EIF2D: variants seen among roughly 807,000 people sequenced by gnomAD.
The protein encoded by EIF2D is eukaryotic translation initiation factor 2D.
Under a neutral mutation model 77.4 loss-of-function variants are expected in EIF2D, and 56 were observed. That is an observed-to-expected ratio of 0.72 (90% confidence interval 0.58 to 0.90). EIF2D has a LOEUF of 0.90. Among genes scored for constraint, EIF2D ranks in the 40% least tolerant of loss-of-function variants. The pLI, the probability that EIF2D is intolerant of heterozygous loss-of-function variation, is 0.00. For synonymous variants in EIF2D, 230 were observed against 271.0 expected, an observed-to-expected ratio of 0.85 and a Z score of 1.49; for missense variants, 574 against 706.5, an observed-to-expected ratio of 0.81 and a Z score of 2.13.
intron 5 of EIF2D, 123 bp downstream of exon 5, chr1:206,605,277 T>C (rs1428740753): frequency 7.0e-6 from 4 of 570,182 alleles, no homozygotes; most frequent in Non-Finnish European, 1.2e-5. Context: ...GAAATAAAAG[T>C]CTGGGCTTAG....
chr1:206,595,610 T>C (rs1199250458), intron 13 of EIF2D, 108 bp downstream of exon 13: 5 of 1,380,340 alleles, frequency 3.6e-6, no homozygotes, highest in Non-Finnish European at 4.9e-6. Context: ...AAAAAAATCT[T>C]TGATGAGTTT....
At chr1:206,575,117 G>C (rs1293993584) in intron 4 of EIF2D, among the ~76,000 whole-genome samples, 1 of 151,936 alleles carries the variant, frequency 6.6e-6, no homozygotes, top group East Asian at 1.9e-4. Context: ...AATGCGGTTT[G>C]GACATTGAGC....
chr1:206,605,801 G>A (rs1670178312), intron 4 of EIF2D, among the ~76,000 whole-genome samples: 1 of 152,068 alleles, frequency 6.6e-6, no homozygotes, highest in South Asian at 2.1e-4. Flanking sequence ...ATCTCCAGGT[G>A]GGTCTTGGAA....
chr1:206,597,251 A>G, intron 11 of EIF2D, 56 bp from the exon 12 acceptor site: 1 of 1,317,538 alleles, frequency 7.6e-7, no homozygotes, highest in Non-Finnish European at 1.1e-6. Context: ...TCTGACCTGA[A>G]GGCTAATTCA....
chr1:206,581,631 A>G lies in EIF2D; in HGVS notation c.139-469T>C, dbSNP rs4989734. 4.2e-5 allele frequency among the ~76,000 whole-genome samples: 6 copies of G among 143,592 alleles called. No homozygotes were observed. In the South Asian group the frequency reaches 6.7e-4, roughly 16 times the overall value. 94.2% of individuals were successfully genotyped at this position (143,592 alleles called of 152,430 possible). ...AAGAAAGAGAGAGAGACAGAGAGAG[A>G]GGGGGGAGAGAGAGAGAGAGAAAGA... On this transcript the variant is annotated intron_variant and NMD_transcript_variant, in intron 2 of 5. Coordinates refer to the EIF2D transcript ENST00000472709.
At chr1:206,569,628 TTA>T (rs1572348970), downstream of EIF2D, among the ~76,000 whole-genome samples, 1 of 152,222 alleles carries the variant, frequency 6.6e-6, no homozygotes, top group East Asian at 1.9e-4. Flanking sequence ...GTAATATATT[TTA>T]TCTTTTTCAT....
At position 206,593,628 on chromosome 1, in the gene EIF2D, G is replaced by A. The variant is rs782655922; in HGVS notation, c.1675C>T (p.Leu559=). The A allele has an allele frequency of 6.2e-7, 1 of 1,607,558 alleles. No individual in the cohort carries two copies. The highest frequency in any genetic ancestry group is 1.1e-5 in the South Asian group (1 of 90,732). ...QGNQVHHLGW[L]LLEEYQLPRK... The stretch of plus-strand genomic sequence containing the variant: ...CAGAGGGGATGCTCACCAAGCAATA[G>A]CCAGCCGAGGTGGTGGACCTGGTTT... The change falls in exon 14 of 15, where the codon CTA becomes TTA. Residue 559 remains leucine (L), a synonymous_variant. Transcript: ENST00000271764.
rs1553405836 is a variant in EIF2D at position 206,579,554 on chromosome 1, G to A, written c.*254+1138C>T. Among the ~76,000 whole-genome samples, 1 of 152,206 alleles carries A rather than the reference G, an allele frequency of 6.6e-6. No individual in the cohort carries two copies. The highest frequency in any genetic ancestry group is 1.5e-5 in the Non-Finnish European group (1 of 68,038). ...GTTTGTGTGTTTCTTGGCACCAAGTGTTAATTCAGCAGCTGGATGAAGACC... is the reference window on the plus strand; with the variant it reads ...GTTTGTGTGTTTCTTGGCACCAAGTATTAATTCAGCAGCTGGATGAAGACC... On this transcript the variant is annotated intron_variant and NMD_transcript_variant, in intron 4 of 5. Transcript: ENST00000472709. This position sits in a 1 kb window ranked among gnomAD's most constrained non-coding sequence, Gnocchi z 4.2.
At position 206,599,709 on chromosome 1, in the gene EIF2D, C is replaced by T; in HGVS notation, c.1052+24G>A. 6.2e-7 allele frequency: 1 copy of T among 1,613,908 alleles called. No homozygotes were observed. Among genetic ancestry groups the T allele is most frequent in the African/African-American group, 1.3e-5 (1 of 75,040 alleles). On this transcript the variant is annotated intron_variant, in intron 9 of 14. Coordinates refer to ENST00000271764, the MANE Select transcript of EIF2D (RefSeq NM_006893.3). The surrounding 1 kb of genome is among the most constrained non-coding windows in gnomAD (Gnocchi z 4.1). ...AGGTGCCCTGGGGCCAGCTGGGCTA[C>T]AGTGACAGGCCCCCTGCACTCACCT...
rs1376940567 is a variant in EIF2D at position 206,593,500 on chromosome 1, AGAGAGAGAGTGTGT to A, written c.1684+105_1684+118del. ...GAGAGAGAGAGAGCGAGAGAGAGAG[AGAGAGAGAGTGTGT>A]GTGTGTGTGTGTGTGTGTGTGTGTG... On this transcript the variant is annotated intron_variant, in intron 14 of 14. Coordinates refer to ENST00000271764, the MANE Select transcript of EIF2D (RefSeq NM_006893.3). 45 of 433,278 alleles carry A rather than the reference AGAGAGAGAGTGTGT, an allele frequency of 1.0e-4. No homozygotes were observed. The Admixed American group carries it at 2.5e-3, about 24-fold the overall frequency. The allele number at this position is 433,278 out of a possible 1,614,324, so 26.8% of individuals were successfully genotyped here.
intron 7 of EIF2D, 59 bp from the exon 8 acceptor site, chr1:206,600,367 G>A (rs1259850119): frequency 2.6e-6 from 4 of 1,515,608 alleles, no homozygotes; most frequent in Admixed American, 1.7e-5. Context: ...GGACCTGCCT[G>A]ACACTGAGAG....
At chr1:206,591,353 ATC>A (rs1171120704), downstream of EIF2D, among the ~76,000 whole-genome samples, 1 of 152,180 alleles carries the variant, frequency 6.6e-6, no homozygotes, top group Non-Finnish European at 1.5e-5. Context: ...AACAGCTGGG[ATC>A]TGTTTTCTAC....
chr1:206,597,396 A>G (rs1489865858), intron 11 of EIF2D, among the ~76,000 whole-genome samples: 1 of 152,230 alleles, frequency 6.6e-6, no homozygotes. Flanking sequence ...GGTGGAAGGG[A>G]AAGTGAGATG....
chr1:206,591,922 C>T (rs12079722), intron 14 of EIF2D, 77 bp from the exon 15 acceptor site: 90,520 of 1,399,724 alleles, frequency 0.065, 3,299 homozygotes, highest in East Asian at 0.13. Flanking sequence ...GTCCCCGTTG[C>T]CTCACAATGT....
rs1162174771 is a variant in EIF2D at position 206,573,497 on chromosome 1, C to T, written c.*255-798G>A. On this transcript the variant is annotated intron_variant and NMD_transcript_variant, in intron 4 of 5. Transcript: ENST00000472709. ...AGGCACGGGTGCTTCTCTCACGGAA[C>T]TCAGTATAAATGGAAATCCAAGGCT... Among the ~76,000 whole-genome samples, 5 of 152,208 alleles carry T rather than the reference C, an allele frequency of 3.3e-5. No homozygotes were observed. In the East Asian group the frequency reaches 9.6e-4, roughly 29 times the overall value.
chr1:206,584,525 C>A lies in EIF2D; in HGVS notation c.139-3363G>T, dbSNP rs4845112. 106,821 of 1,614,048 alleles carry A rather than the reference C, an allele frequency of 0.066. 4,236 individuals are homozygous for A. The highest frequency in any genetic ancestry group is 0.14 in the East Asian group (6,458 of 44,870). ...GAACCTGGCGGCTACCACGGACAAG[C>A]GGACATCCTTCTACCTGCCCCTAGA... is the stretch of plus-strand genomic sequence containing the variant. On this transcript the variant is annotated intron_variant and NMD_transcript_variant, in intron 2 of 5. Coordinates refer to the EIF2D transcript ENST00000472709. The surrounding 1 kb of genome is among the most constrained non-coding windows in gnomAD (Gnocchi z 4.9).
At chr1:206,570,393 C>CA (rs1396440783), downstream of EIF2D, among the ~76,000 whole-genome samples, 1 of 152,132 alleles carries the variant, frequency 6.6e-6, no homozygotes, top group African/African-American at 2.4e-5. Context: ...TGCACCCAGC[C>CA]AAAATGTACC....
chr1:206,603,377 C>G, intron 5 of EIF2D, 173 bp from the exon 6 acceptor site: 1 of 773,382 alleles, frequency 1.3e-6, no homozygotes, highest in Non-Finnish European at 2.0e-6. Flanking sequence ...ATTCTGGGCC[C>G]CTAAAAGTTC....
intron 7 of EIF2D, 186 bp from the exon 8 acceptor site, chr1:206,600,494 G>T: frequency 3.6e-6 from 2 of 559,366 alleles, no homozygotes; most frequent in Non-Finnish European, 3.2e-6. Context: ...TTCTAAATCA[G>T]TGCTGTTCAA....
Sources: allele counts gnomAD v4.1 joint callset (sites outside exome capture counted in the v4.1 genomes callset), GRCh38; gene constraint gnomAD v4.1.1; non-coding constraint Gnocchi (gnomAD v3.1); transcripts MANE v1.5; gene names NCBI Gene and HGNC (gene_info 2026-07-23, HGNC 2026-07-21).